The following PKHD1L1 variants were observed in gnomAD, a reference collection of about 807,000 sequenced individuals.
The protein encoded by PKHD1L1 is fibrocystin-L.
In PKHD1L1, 434 loss-of-function variants were observed where a neutral mutation model predicts 462.9. The observed-to-expected ratio is 0.94, with a 90% CI of 0.87 to 1.02. PKHD1L1 has a LOEUF of 1.02. PKHD1L1 is among the 50% of genes least tolerant of loss of function. The pLI is 0.00. For missense variants in PKHD1L1, 5,202 were observed against 5,096.1 expected (o/e 1.02, Z -0.63); for synonymous variants, 1,781 against 1,750.0 (o/e 1.02, Z -0.44).
Position 109,486,662 on chromosome 8 carries a change from G to A in PKHD1L1, c.9721G>A (p.Val3241Ile). ...TTATACTGCAGCTGAAAAATACCAT[G>A]TCCCTGGAACTGGTGAGAGCTACAC... Reference protein sequence around the residue: ...SYTHFAEKYHVPGTGESYTLA... With the variant: ...SYTHFAEKYHIPGTGESYTLA... Residue 3241 changes from valine to isoleucine, a missense_variant, in exon 59 of 78, where the codon GTC becomes ATC. Val to Ile is a conservative substitution (Grantham distance 29). This residue lies in a region of PKHD1L1 where 4,497 missense variants were observed against 4,336.8 expected (regional missense o/e 1.04). Coordinates refer to ENST00000378402, the MANE Select transcript of PKHD1L1 (RefSeq NM_177531.6). 1 of 1,610,816 alleles carries A rather than the reference G, an allele frequency of 6.2e-7. No homozygotes were observed. Among genetic ancestry groups the A allele is most frequent in the South Asian group, 1.1e-5 (1 of 90,714 alleles).
intron 77 of PKHD1L1, among the ~76,000 whole-genome samples, chr8:109,528,195 C>T (rs1476205447): frequency 2.0e-5 from 3 of 152,062 alleles, no homozygotes; most frequent in Admixed American, 6.6e-5. Context: ...AGGGAAAAGG[C>T]ACTCAAGAAC....
intron 7 of PKHD1L1, 97 bp from the exon 8 acceptor site, chr8:109,388,982 T>C (rs1055167177): frequency 1.7e-5 from 14 of 817,584 alleles, no homozygotes; most frequent in African/African-American, 3.6e-5. Context: ...CTGTCCTGAT[T>C]CATATTCTGA....
Position 109,429,387 on chromosome 8 carries a change from A to T in PKHD1L1, c.3048A>T (p.Thr1016=), listed in dbSNP as rs768765888. 1 of 1,575,472 alleles carries T rather than the reference A, an allele frequency of 6.3e-7. No individual in the cohort carries two copies. Among genetic ancestry groups the T allele is most frequent in the Non-Finnish European group, 8.7e-7 (1 of 1,151,082 alleles). The change falls in exon 26 of 78, where the codon ACA becomes ACT. Residue 1016 remains threonine (T), a synonymous_variant. Coordinates refer to ENST00000378402, the MANE Select transcript of PKHD1L1 (RefSeq NM_177531.6). ...IIGEKANMTV[T]RIKEGGLFRQ... is the part of the protein sequence containing the mutation. Reference sequence around the variant, plus strand: ...GAGAAAAGGCTAATATGACAGTTACAAGGATAAAGGAAGGTGGCTTATTCA... The same window carrying T: ...GAGAAAAGGCTAATATGACAGTTACTAGGATAAAGGAAGGTGGCTTATTCA...
At chr8:109,404,934 T>C in intron 15 of PKHD1L1, 61 bp from the exon 16 acceptor site, 1 of 1,221,890 alleles carries the variant, frequency 8.2e-7, no homozygotes, top group South Asian at 1.8e-5. Context: ...AGCTGAATTA[T>C]GATGCTTTTA....
intron 38 of PKHD1L1, among the ~76,000 whole-genome samples, chr8:109,446,984 G>T (rs909315357): frequency 2.0e-5 from 3 of 152,188 alleles, no homozygotes; most frequent in African/African-American, 7.2e-5. Context: ...AGCACTTTGG[G>T]AGGCTGAGGC....
At chr8:109,499,319 T>C (rs1319592978) in intron 67 of PKHD1L1, 1 of 152,334 alleles carries the variant, frequency 6.6e-6, no homozygotes, top group African/African-American at 2.4e-5. Context: ...GCATTTCCTG[T>C]TTTAATGGAG....
intron 50 of PKHD1L1, among the ~76,000 whole-genome samples, chr8:109,467,541 A>C (rs1817513753): frequency 6.6e-6 from 1 of 152,096 alleles, no homozygotes; most frequent in Non-Finnish European, 1.5e-5. Flanking sequence ...TTGGGGAACC[A>C]GTGTGGGAAT....
Position 109,459,682 on chromosome 8 carries a change from C to A in PKHD1L1, c.7092C>A (p.Tyr2364Ter). The change falls in exon 47 of 78, where the codon TAC (tyrosine) becomes TAA (stop). Residue 2364 changes from tyrosine (Y) to a stop codon, truncating the protein, a stop_gained. Coordinates refer to ENST00000378402, the MANE Select transcript of PKHD1L1 (RefSeq NM_177531.6). LOFTEE classifies it high-confidence loss of function. ...INITLSNPLN[Y>*]THLGITVTLP... is the part of the protein sequence containing the mutation. ...TAACACTAAGTAACCCACTAAATTA[C>A]ACACACTTAGGAATTACGGTCACAC... 6.2e-7 allele frequency: 1 copy of A among 1,611,044 alleles called. No individual in the cohort carries two copies. The highest frequency in any genetic ancestry group is 1.3e-5 in the African/African-American group (1 of 74,902).
intron 47 of PKHD1L1, among the ~76,000 whole-genome samples, chr8:109,460,678 C>G (rs982221978): frequency 1.3e-5 from 2 of 152,112 alleles, no homozygotes; most frequent in African/African-American, 4.8e-5. Context: ...CAAAATTGGC[C>G]TCAGTTAAGA....
chr8:109,529,353 C>T (rs1820966571), intron 77 of PKHD1L1, among the ~76,000 whole-genome samples: 1 of 152,102 alleles, frequency 6.6e-6, no homozygotes, highest in South Asian at 2.1e-4. Context: ...TGCCAGTTTT[C>T]TTGTCTCCAG....
intron 73 of PKHD1L1, among the ~76,000 whole-genome samples, chr8:109,520,705 G>A (rs1340517189): frequency 2.6e-5 from 4 of 152,106 alleles, no homozygotes; most frequent in African/African-American, 9.7e-5. Flanking sequence ...CTTTTATATA[G>A]TATCAGGATA....
At chr8:109,485,574 C>T (rs1323014391) in intron 58 of PKHD1L1, among the ~76,000 whole-genome samples, 1 of 151,854 alleles carries the variant, frequency 6.6e-6, no homozygotes, top group Non-Finnish European at 1.5e-5. Flanking sequence ...AAGGATAAAA[C>T]TATAATTGTT....
chr8:109,464,456 T>C lies in PKHD1L1; in HGVS notation c.7624T>C (p.Leu2542=), dbSNP rs200796321. The C allele has an allele frequency of 6.2e-6, 10 of 1,613,710 alleles. No homozygotes were observed. The Admixed American group carries it at 1.7e-4, about 27-fold the overall frequency. ...IEHGNILQYN[L]AVFVQQSTSL... is the part of the protein sequence containing the mutation. ...ACATGGCAATATCCTCCAGTATAAC[T>C]TGGCAGTATTTGTACAGCAAAGTAC... The change falls in exon 49 of 78, where the codon TTG becomes CTG. Residue 2542 remains leucine, a synonymous_variant. Transcript: ENST00000378402.
intron 14 of PKHD1L1, 38 bp downstream of exon 14, chr8:109,401,626 T>A: frequency 9.3e-7 from 1 of 1,070,304 alleles, no homozygotes; most frequent in Non-Finnish European, 1.4e-6. Flanking sequence ...CTGTGTGGTA[T>A]TTATAAGCTT....
chr8:109,401,476 T>C (rs1813270843), intron 13 of PKHD1L1, 21 bp from the exon 14 acceptor site: 15 of 1,335,486 alleles, frequency 1.1e-5, no homozygotes, highest in Non-Finnish European at 1.6e-5. Flanking sequence ...CTTTTCTCTG[T>C]CTCTGTCTCT....
chr8:109,402,122 A>G (rs1813303360), intron 14 of PKHD1L1, among the ~76,000 whole-genome samples: 1 of 152,196 alleles, frequency 6.6e-6, no homozygotes, highest in Admixed American at 6.6e-5. Flanking sequence ...TTATCATCCA[A>G]ATACCAGATA....
intron 62 of PKHD1L1, among the ~76,000 whole-genome samples, chr8:109,492,322 T>TTC (rs911281256): frequency 1.3e-5 from 2 of 151,842 alleles, no homozygotes; most frequent in African/African-American, 2.4e-5. Context: ...TAAAATTATT[T>TTC]TCTCATCTAA....
Position 109,381,219 on chromosome 8 carries a change from A to T in PKHD1L1, c.164-151A>T. 2 of 715,856 alleles carry T rather than the reference A, an allele frequency of 2.8e-6. 1 individual carries two copies. The highest frequency in any genetic ancestry group is 4.1e-5 in the South Asian group (2 of 48,838). 44.3% of individuals were successfully genotyped at this position (715,856 alleles called of 1,614,324 possible). A position where few individuals can be genotyped will look rare whatever the true frequency, so the allele number is the denominator to read the frequency against. On this transcript the variant is annotated intron_variant, in intron 2 of 77. Transcript: ENST00000378402. ...GCTAAATTTTGTGCTTCCAAAGAAG[A>T]TTACAATCATAAGGATAAATATGAA...
chr8:109,517,735 C>G (rs1327755064), intron 72 of PKHD1L1, among the ~76,000 whole-genome samples: 1 of 152,052 alleles, frequency 6.6e-6, no homozygotes, highest in Non-Finnish European at 1.5e-5. Flanking sequence ...ATTGTAAATG[C>G]TCTTTTAAGA....
Sources: gnomAD v4.1 joint callset for allele counts (sites outside exome capture counted in the v4.1 genomes callset) on GRCh38, gnomAD v4.1.1 for gene constraint, gnomAD v4.1.1 regional missense constraint, MANE v1.5 for transcripts, NCBI Gene and HGNC (gene_info 2026-07-23, HGNC 2026-07-21) for gene names.